PLXNB2: variants seen among roughly 807,000 people sequenced by gnomAD.
PLXNB2 encodes the protein plexin B2, also known as plexin-B2.
Under a neutral mutation model 202.6 loss-of-function variants are expected in PLXNB2, and 85 were observed. The observed-to-expected ratio is 0.42, with a 90% CI of 0.35 to 0.50. PLXNB2 has a LOEUF of 0.50. Among genes scored for constraint, PLXNB2 ranks in the 20% least tolerant of loss-of-function variants. The probability of loss-of-function intolerance (pLI) is 0.02; values close to 1 mark genes in which losing one functional copy is unlikely to be tolerated. For missense variants in PLXNB2, 2,063 were observed against 2,586.2 expected (o/e 0.80, Z 4.39); for synonymous variants, 1,239 against 1,137.6 (o/e 1.09, Z -1.79).
chr22:50,295,686 T>C (rs2067211648), intron 1 of PLXNB2, among the ~76,000 whole-genome samples: 1 of 152,214 alleles, frequency 6.6e-6, no homozygotes, highest in Admixed American at 6.5e-5. Flanking sequence ...CAGAGGATAC[T>C]GTGGAAGACT....
At chr22:50,290,898 G>A (rs917412701) in intron 2 of PLXNB2, among the ~76,000 whole-genome samples, 1 of 152,114 alleles carries the variant, frequency 6.6e-6, no homozygotes, top group South Asian at 2.1e-4. Flanking sequence ...GCCTATCCCC[G>A]AGGCAAGGAG....
chr22:50,282,246 T>G lies in PLXNB2; in HGVS notation c.3055A>C (p.Ile1019Leu). The change falls in exon 19 of 37, where the codon ATC becomes CTC. Residue 1019 changes from isoleucine (I) to leucine (L), a missense_variant. Ile to Leu is a conservative substitution (Grantham distance 5). Coordinates refer to ENST00000359337, the MANE Select transcript of PLXNB2 (RefSeq NM_012401.4). Reference sequence around the variant, plus strand: ...TGCCAGGACTGCAGGGGCTCCGCGATGACCACCATGGCAAACCTCTGGATC... The same window carrying G: ...TGCCAGGACTGCAGGGGCTCCGCGAGGACCACCATGGCAAACCTCTGGATC... ...SLIQRFAMVV[I>L]AEPLQSWQPP... 6.2e-7 allele frequency: 1 copy of G among 1,612,414 alleles called. No individual in the cohort carries two copies.
chr22:50,289,913 G>A lies in PLXNB2; in HGVS notation c.672C>T (p.Asp224=), dbSNP rs773626096. The A allele has an allele frequency of 4.2e-5, 67 of 1,613,072 alleles. No individual in the cohort carries two copies. Among genetic ancestry groups the A allele is most frequent in the Admixed American group, 6.7e-5 (4 of 60,010 alleles). ...NTQQFVAAFE[D]GPYVFFVFNQ... ...TGAAGACAAAGAAGACGTAGGGGCC[G>A]TCCTCGAAGGCCGCCACGAACTGCT... Residue 224 remains aspartate, a synonymous_variant, in exon 3 of 37, where the codon GAC becomes GAT. Transcript: ENST00000359337. The surrounding 1 kb of genome is among the most constrained non-coding windows in gnomAD (Gnocchi z 8.0).
At position 50,281,482 on chromosome 22, in the gene PLXNB2, G is replaced by A. The variant is rs778930244; in HGVS notation, c.3540C>T (p.Arg1180=). ...ACTCCACGCGGCCCAGCACCCACTC[G>A]CGAGAGCCGAACTTCACCTGTGTGG... ...LPEFIVKFGS[R]EWVLGRVEYD... The change falls in exon 22 of 37, where the codon CGC becomes CGT. Residue 1180 remains arginine (R), a synonymous_variant. Coordinates refer to ENST00000359337, the MANE Select transcript of PLXNB2 (RefSeq NM_012401.4). 20 of 1,611,946 alleles carry A rather than the reference G, an allele frequency of 1.2e-5. No individual in the cohort carries two copies. Among genetic ancestry groups the A allele is most frequent in the South Asian group, 2.2e-5 (2 of 91,068 alleles).
rs761267538 is a variant in PLXNB2 at position 50,289,759 on chromosome 22, A to G, written c.826T>C (p.Phe276Leu). The part of the protein sequence containing the change: ...CRDPDIHAAA[F>L]GTCLAASVAA... ...ACGGAGGCGGCCAGGCAGGTGCCAA[A>G]GGCAGCGGCGTGGATGTCGGGGTCC... The change falls in exon 3 of 37, where the codon TTT (phenylalanine) becomes CTT (leucine). Residue 276 changes from phenylalanine (F) to leucine (L), a missense_variant. Phe to Leu is a conservative substitution (Grantham distance 22). Around this residue, in one of 2 missense-constraint regions of PLXNB2, gnomAD observed 1,303 missense variants for 1,476.8 expected, o/e 0.88. Coordinates refer to ENST00000359337, the MANE Select transcript of PLXNB2 (RefSeq NM_012401.4). The surrounding 1 kb of genome is among the most constrained non-coding windows in gnomAD (Gnocchi z 8.0). 1.9e-6 allele frequency: 3 copies of G among 1,612,708 alleles called. No individual in the cohort carries two copies. The highest frequency in any genetic ancestry group is 3.3e-5 in the Admixed American group (2 of 60,010).
intron 33 of PLXNB2, 59 bp from the exon 34 acceptor site, chr22:50,276,965 A>G: frequency 7.6e-7 from 1 of 1,308,342 alleles, no homozygotes; most frequent in Non-Finnish European, 1.1e-6. Context: ...GGCTGCTCAG[A>G]GTACCCCTGG....
chr22:50,284,949 C>A lies in PLXNB2; in HGVS notation c.2089-284G>T, dbSNP rs944397646. 3 of 552,742 alleles carry A rather than the reference C, an allele frequency of 5.4e-6. No individual in the cohort carries two copies. Among genetic ancestry groups the A allele is most frequent in the East Asian group, 4.2e-5 (1 of 24,052 alleles). 34.2% of individuals were successfully genotyped at this position (552,742 alleles called of 1,614,324 possible). ...CGCCCGGCCCACCTGACATCGTGGCCCCCACAGCTCCCTCCTCAGGAGGTG... is the reference window on the plus strand; with the variant it reads ...CGCCCGGCCCACCTGACATCGTGGCACCCACAGCTCCCTCCTCAGGAGGTG... On this transcript the variant is annotated intron_variant, in intron 11 of 36. Coordinates refer to ENST00000359337, the MANE Select transcript of PLXNB2 (RefSeq NM_012401.4). The surrounding 1 kb of genome is among the most constrained non-coding windows in gnomAD (Gnocchi z 8.0).
Position 50,290,086 on chromosome 22 carries a change from C to A in PLXNB2, c.499G>T (p.Val167Leu). The change falls in exon 3 of 37, where the codon GTG becomes TTG. Residue 167 changes from valine to leucine, a missense_variant. This residue lies in a region of PLXNB2 where 1,303 missense variants were observed against 1,476.8 expected (regional missense o/e 0.88). Coordinates refer to ENST00000359337, the MANE Select transcript of PLXNB2 (RefSeq NM_012401.4). ...VSSTGPGGDRVLFVGKGNGPH... is the reference protein window; with the variant it reads ...VSSTGPGGDRLLFVGKGNGPH... Reference sequence around the variant, plus strand: ...CCATTGCCTTTGCCCACAAACAGCACGCGGTCACCACCAGGACCCGTGGAG... The same window carrying A: ...CCATTGCCTTTGCCCACAAACAGCAAGCGGTCACCACCAGGACCCGTGGAG... 6.2e-7 allele frequency: 1 copy of A among 1,613,238 alleles called. No individual in the cohort carries two copies. The highest frequency in any genetic ancestry group is 8.5e-7 in the Non-Finnish European group (1 of 1,180,012).
At position 50,278,973 on chromosome 22, in the gene PLXNB2, G is replaced by A; in HGVS notation, c.4428C>T (p.Ala1476=). ...CACAGTTGAGGACCTTCACCGGGATGGCGTCCACTCCCTCGTCCTGCACGA... is the reference window on the plus strand; with the variant it reads ...CACAGTTGAGGACCTTCACCGGGATAGCGTCCACTCCCTCGTCCTGCACGA... ...SVIVQDEGVD[A]IPVKVLNCDT... is the part of the protein sequence containing the mutation. The change falls in exon 28 of 37, where the codon GCC becomes GCT. Residue 1476 remains alanine (A), a synonymous_variant. Coordinates refer to ENST00000359337, the MANE Select transcript of PLXNB2 (RefSeq NM_012401.4). The A allele has an allele frequency of 6.2e-7, 1 of 1,613,514 alleles. No homozygotes were observed. The highest frequency in any genetic ancestry group is 8.5e-7 in the Non-Finnish European group (1 of 1,179,752).
intron 1 of PLXNB2, among the ~76,000 whole-genome samples, chr22:50,298,762 C>T (rs2147672758): frequency 6.6e-6 from 1 of 152,346 alleles, no homozygotes; most frequent in South Asian, 2.1e-4. Flanking sequence ...TATCCTGCCT[C>T]AGCCTCTCCA....
In PLXNB2 at chr22:50,288,187, G is replaced by A. The variant is rs1458355013; in HGVS notation, c.1381-150C>T. The A allele has an allele frequency of 1.6e-6, 1 of 627,046 alleles. No individual in the cohort carries two copies. Among genetic ancestry groups the A allele is most frequent in the Non-Finnish European group, 2.8e-6 (1 of 360,032 alleles). The allele number at this position is 627,046 out of a possible 1,614,324, so 38.8% of individuals were successfully genotyped here. On this transcript the variant is annotated intron_variant, in intron 5 of 36. Coordinates refer to ENST00000359337, the MANE Select transcript of PLXNB2 (RefSeq NM_012401.4). The surrounding 1 kb of genome is among the most constrained non-coding windows in gnomAD (Gnocchi z 5.0). Reference sequence around the variant, plus strand: ...CTCAGGCTTGATATTAAACAGTTCTGGCTCTGGGTGGCCATGCCTGGCCCA... The same window carrying A: ...CTCAGGCTTGATATTAAACAGTTCTAGCTCTGGGTGGCCATGCCTGGCCCA...
rs955779130 is a variant in PLXNB2, at chr22:50,288,196, T to C, written c.1381-159A>G. On this transcript the variant is annotated intron_variant, in intron 5 of 36. Coordinates refer to ENST00000359337, the MANE Select transcript of PLXNB2 (RefSeq NM_012401.4). This position sits in a 1 kb window ranked among gnomAD's most constrained non-coding sequence, Gnocchi z 5.0. ...GATATTAAACAGTTCTGGCTCTGGG[T>C]GGCCATGCCTGGCCCAGGATCCCGA... Among the ~76,000 whole-genome samples the C allele has an allele frequency of 6.6e-6, 1 of 152,048 alleles. No individual in the cohort carries two copies. Among genetic ancestry groups the C allele is most frequent in the Non-Finnish European group, 1.5e-5 (1 of 67,974 alleles).
intron 1 of PLXNB2, among the ~76,000 whole-genome samples, chr22:50,304,569 C>T (rs938275405): frequency 1.3e-5 from 2 of 152,068 alleles, no homozygotes; most frequent in African/African-American, 2.4e-5. Context: ...TGTGAAACCA[C>T]GGAAAGGAAG....
In PLXNB2 at chr22:50,283,203, G is replaced by C. The variant is rs1407704834; in HGVS notation, c.2680-17C>G. The C allele has an allele frequency of 2.5e-6, 4 of 1,599,874 alleles. No individual in the cohort carries two copies. Among genetic ancestry groups the C allele is most frequent in the Non-Finnish European group, 3.4e-6 (4 of 1,174,076 alleles). On this transcript the variant is annotated splice_polypyrimidine_tract_variant and intron_variant, in intron 16 of 36. Transcript: ENST00000359337. ...CTTGGGCTGCTGAAAGAGCCGCAGG[G>C]GCACTCGGGTGAGGACGGGGCACAG...
Position 50,287,763 on chromosome 22 carries a change from G to A in PLXNB2, c.1512C>T (p.Ala504=), listed in dbSNP as rs758353384. 2.0e-5 allele frequency: 32 copies of A among 1,580,250 alleles called. No homozygotes were observed. The highest frequency in any genetic ancestry group is 5.7e-5 in the South Asian group (5 of 87,918). ...TCCACAGCCAGTGGCTGGCCTCCTC[G>A]GCCCGCGGACACTCGGCCTTCCGGG... ...RCTRKAECPR[A]EEASHWLWSR... The change falls in exon 7 of 37, where the codon GCC becomes GCT. Residue 504 remains alanine (A), a synonymous_variant. Coordinates refer to ENST00000359337, the MANE Select transcript of PLXNB2 (RefSeq NM_012401.4).
At position 50,277,649 on chromosome 22, in the gene PLXNB2, G is replaced by C; in HGVS notation, c.5138C>G (p.Ser1713Ter). The C allele has an allele frequency of 6.2e-7, 1 of 1,608,678 alleles. No individual in the cohort carries two copies. The highest frequency in any genetic ancestry group is 2.2e-5 in the East Asian group (1 of 44,768). The change falls in exon 33 of 37, where the codon TCA becomes TGA. Residue 1713 changes from serine (S) to a stop codon, truncating the protein, a stop_gained. Coordinates refer to ENST00000359337, the MANE Select transcript of PLXNB2 (RefSeq NM_012401.4). LOFTEE classifies it high-confidence loss of function. ...HVHEVVDASL[S>*]VIAQTFMDAC... is the part of the protein sequence containing the mutation. ...ATCCATGAAGGTCTGCGCGATGACT[G>C]ACAGCGAGGCGTCCACCACCTCGTG...
At chr22:50,281,806 G>GCC (rs1569161848) in intron 20 of PLXNB2, 48 bp downstream of exon 20, 1 of 1,586,438 alleles carries the variant, frequency 6.3e-7, no homozygotes, top group Admixed American at 1.7e-5. Flanking sequence ...CCAGCTCTCA[G>GCC]CCCAGACCCG....
In PLXNB2 at chr22:50,284,526, G is replaced by A. The variant is rs549095225; in HGVS notation, c.2181+47C>T. The A allele has an allele frequency of 5.4e-5, 64 of 1,193,688 alleles. No homozygotes were observed. In the Admixed American group the frequency reaches 7.3e-4, roughly 14 times the overall value. The allele number at this position is 1,193,688 out of a possible 1,614,324, so 73.9% of individuals were successfully genotyped here. A position where few individuals can be genotyped will look rare whatever the true frequency, so the allele number is the denominator to read the frequency against. On this transcript the variant is annotated intron_variant, in intron 12 of 36. Transcript: ENST00000359337. This position sits in a 1 kb window ranked among gnomAD's most constrained non-coding sequence, Gnocchi z 8.0. ...CTGAAGGTGACCCCCCACCCCACCC[G>A]GGGCCCTGGGGTCCAGCAGCCGAGC...
chr22:50,302,805 C>T (rs966233921), intron 1 of PLXNB2, among the ~76,000 whole-genome samples: 8 of 152,094 alleles, frequency 5.3e-5, no homozygotes, highest in East Asian at 1.9e-4. Context: ...TTCTCCCCCT[C>T]GCTGGTGGGA....
Sources: gnomAD v4.1 joint callset for allele counts (sites outside exome capture counted in the v4.1 genomes callset) on GRCh38, gnomAD v4.1.1 for gene constraint, gnomAD v4.1.1 regional missense constraint, Gnocchi (gnomAD v3.1) non-coding constraint, MANE v1.5 for transcripts, NCBI Gene and HGNC (gene_info 2026-07-23, HGNC 2026-07-21) for gene names.